The following SWT1 variants were observed in gnomAD, a reference collection of about 807,000 sequenced individuals.
SWT1 encodes the protein transcriptional protein SWT1.
Under a neutral mutation model 107.3 loss-of-function variants are expected in SWT1, and 33 were observed. That is an observed-to-expected ratio of 0.31 (90% CI 0.23 to 0.41). The LOEUF (loss-of-function observed/expected upper bound fraction) is 0.41. Among genes scored for constraint, SWT1 ranks in the 10% least tolerant of loss-of-function variants. The pLI is 1.00. For synonymous variants in SWT1, 345 were observed against 348.3 expected (o/e 0.99, Z 0.11); for missense variants, 898 against 1,028.9 (o/e 0.87, Z 1.74).
intron 16 of SWT1, among the ~76,000 whole-genome samples, chr1:185,235,782 A>G (rs1396849690): frequency 1.3e-5 from 2 of 152,238 alleles, no homozygotes; most frequent in Non-Finnish European, 2.9e-5. Context: ...TGCAGATGAC[A>G]TGATTGTATA....
intron 16 of SWT1, among the ~76,000 whole-genome samples, chr1:185,267,447 G>A (rs1156257129): frequency 2.0e-5 from 3 of 152,186 alleles, no homozygotes; most frequent in Non-Finnish European, 4.4e-5. Context: ...AAGTCATTAT[G>A]TGTTGTTATT....
chr1:185,190,629 G>A lies in SWT1; in HGVS notation c.1510G>A (p.Val504Ile), dbSNP rs1470773920. 1.9e-6 allele frequency: 3 copies of A among 1,598,456 alleles called. No individual in the cohort carries two copies. Among genetic ancestry groups the A allele is most frequent in the Non-Finnish European group, 2.6e-6 (3 of 1,166,640 alleles). The change falls in exon 10 of 19, where the codon GTT becomes ATT. Residue 504 changes from valine (V) to isoleucine (I), a missense_variant. Val to Ile is a conservative substitution (Grantham distance 29). This residue lies in a region of SWT1 where 382 missense variants were observed against 460.0 expected (regional missense o/e 0.83). Coordinates refer to ENST00000367500, the MANE Select transcript of SWT1 (RefSeq NM_017673.7). ...QHQELFPCSFVILCTDDRNLR... is the reference protein window; with the variant it reads ...QHQELFPCSFIILCTDDRNLR... ...CCAGGAATTATTCCCTTGTTCTTTT[G>A]TTATTCTGTGCACGTGAGTTTCATA... is the stretch of plus-strand genomic sequence containing the variant.
chr1:185,205,023 A>T (rs942114287), intron 12 of SWT1, among the ~76,000 whole-genome samples, 160 bp downstream of exon 12: 1 of 152,150 alleles, frequency 6.6e-6, no homozygotes, highest in Non-Finnish European at 1.5e-5. Context: ...TGACAGTTAA[A>T]TGATGGACAT....
At chr1:185,230,174 A>G (rs1660406844) in intron 15 of SWT1, among the ~76,000 whole-genome samples, 2 of 152,374 alleles carry the variant, frequency 1.3e-5, no homozygotes, top group African/African-American at 2.4e-5. Context: ...GCTGCTGCCT[A>G]AAGTCTACCG....
intron 10 of SWT1, among the ~76,000 whole-genome samples, chr1:185,201,922 C>CTAG (rs906580829): frequency 6.6e-6 from 1 of 152,048 alleles, no homozygotes; most frequent in Admixed American, 6.5e-5. Flanking sequence ...CTGTTGCTTT[C>CTAG]TAGTGCCTTC....
chr1:185,278,387 T>G (rs1028258643), intron 18 of SWT1, among the ~76,000 whole-genome samples: 14 of 152,188 alleles, frequency 9.2e-5, no homozygotes, highest in Non-Finnish European at 1.9e-4. Context: ...CCAAATCTGC[T>G]GGTGCTTTGA....
rs964397253 is a variant in SWT1, at chr1:185,279,850, G to A, written c.2573+3182G>A. 3.3e-5 allele frequency among the ~76,000 whole-genome samples: 5 copies of A among 151,672 alleles called. No homozygotes were observed. The East Asian group carries it at 9.6e-4, about 29-fold the overall frequency. On this transcript the variant is annotated intron_variant, in intron 18 of 18. Transcript: ENST00000367500. ...AGATGACTCCCTTTGGGAATATGAA[G>A]GACAGTTAATGTTTAAGACAATTAT...
chr1:185,251,059 G>A (rs1661980344), intron 16 of SWT1, among the ~76,000 whole-genome samples: 1 of 152,108 alleles, frequency 6.6e-6, no homozygotes, highest in Non-Finnish European at 1.5e-5. Flanking sequence ...TTCTTTTATG[G>A]CTTTAGAAGT....
intron 16 of SWT1, among the ~76,000 whole-genome samples, chr1:185,250,366 A>G (rs981853218): frequency 6.6e-6 from 1 of 152,214 alleles, no homozygotes; most frequent in Non-Finnish European, 1.5e-5. Flanking sequence ...AGTCTCAACA[A>G]AAGGTTTTAC....
intron 12 of SWT1, among the ~76,000 whole-genome samples, chr1:185,206,018 G>A (rs1043361875): frequency 8.6e-5 from 13 of 151,846 alleles, no homozygotes; most frequent in Non-Finnish European, 7.4e-5. Context: ...GAGTGCAGTC[G>A]CGTGATCTCG....
intron 16 of SWT1, among the ~76,000 whole-genome samples, chr1:185,262,921 G>T (rs1443534812): frequency 6.6e-6 from 1 of 151,820 alleles, no homozygotes; most frequent in Non-Finnish European, 1.5e-5. Flanking sequence ...CTGAGTAGCT[G>T]GGAATACAGG....
intron 16 of SWT1, among the ~76,000 whole-genome samples, chr1:185,250,231 G>C (rs1661907388): frequency 6.6e-6 from 1 of 152,086 alleles, no homozygotes; most frequent in Non-Finnish European, 1.5e-5. Flanking sequence ...AGGCTGAAGT[G>C]ATCTTCTCGC....
intron 16 of SWT1, among the ~76,000 whole-genome samples, chr1:185,254,888 A>G (rs1558078681): frequency 6.6e-6 from 1 of 151,518 alleles, no homozygotes; most frequent in Non-Finnish European, 1.5e-5. Context: ...TCAGTTTTGG[A>G]TCTTTCCTGC....
intron 12 of SWT1, among the ~76,000 whole-genome samples, chr1:185,206,390 C>G (rs1658338146): frequency 6.6e-6 from 1 of 152,010 alleles, no homozygotes; most frequent in Non-Finnish European, 1.5e-5. Context: ...GTATGTTTTT[C>G]TTTTTTGCAC....
rs867925092 is a variant in SWT1 at position 185,180,896 on chromosome 1, G to C, written c.1026+446G>C. On this transcript the variant is annotated intron_variant, in intron 6 of 18. Transcript: ENST00000367500. ...CTTCATTTCCCAACCAGAGTCCCCT[G>C]ACTGATCTTCATAGAATTTTATGTT... Among the ~76,000 whole-genome samples, 22 of 152,154 alleles carry C rather than the reference G, an allele frequency of 1.4e-4. 3 individuals are homozygous for C. Among genetic ancestry groups the C allele is most frequent in the Admixed American group, 5.2e-4 (8 of 15,274 alleles).
intron 5 of SWT1, among the ~76,000 whole-genome samples, chr1:185,175,729 A>G (rs1196903947): frequency 6.6e-6 from 1 of 152,228 alleles, no homozygotes; most frequent in African/African-American, 2.4e-5. Context: ...CTTTGAAAAA[A>G]GCATTGTATG....
At chr1:185,247,256 C>T (rs556534387) in intron 16 of SWT1, among the ~76,000 whole-genome samples, 3 of 152,260 alleles carry the variant, frequency 2.0e-5, no homozygotes, top group South Asian at 4.1e-4. Flanking sequence ...CCCACCTTAT[C>T]CCCTGGATAC....
Position 185,288,736 on chromosome 1 carries a change from A to G in SWT1, c.2574-1938A>G, listed in dbSNP as rs146706385. ...TGTTGGGTGCTCTTTGTGAACTTACATAGACCATCTCCCAGTAGATTAAAA... is the reference window on the plus strand; with the variant it reads ...TGTTGGGTGCTCTTTGTGAACTTACGTAGACCATCTCCCAGTAGATTAAAA... On this transcript the variant is annotated intron_variant, in intron 18 of 18. Transcript: ENST00000367500. Among the ~76,000 whole-genome samples the G allele has an allele frequency of 7.6e-3, 1,163 of 152,260 alleles. 11 individuals carry two copies. Among genetic ancestry groups the G allele is most frequent in the South Asian group, 0.03 (143 of 4,822 alleles).
At chr1:185,264,395 A>G in intron 16 of SWT1, 1 of 985,286 alleles carries the variant, frequency 1.0e-6, no homozygotes, top group Non-Finnish European at 1.2e-6. Context: ...GAAGAGAACA[A>G]GTCCCCAAAC....
Sources: allele counts gnomAD v4.1 joint callset (sites outside exome capture counted in the v4.1 genomes callset), GRCh38; gene constraint gnomAD v4.1.1; regional missense constraint gnomAD v4.1.1; transcripts MANE v1.5; gene names NCBI Gene and HGNC (gene_info 2026-07-23, HGNC 2026-07-21).